The following GANC variants were observed in gnomAD, a reference collection of about 807,000 sequenced individuals.
GANC encodes the protein glucosidase alpha, neutral C, also known as neutral alpha-glucosidase C.
Under a neutral mutation model 124.2 loss-of-function variants are expected in GANC, and 117 were observed. The observed-to-expected ratio is 0.94, with a 90% confidence interval of 0.81 to 1.10. The LOEUF (loss-of-function observed/expected upper bound fraction) is 1.10. Among genes scored for constraint, GANC ranks in the 50% least tolerant of loss-of-function variants. The pLI is 0.00. For missense variants in GANC, 1,140 were observed against 1,095.0 expected, an observed-to-expected ratio of 1.04 and a Z score of -0.58; for synonymous variants, 377 against 376.8, an observed-to-expected ratio of 1.00 and a Z score of -0.01.
At chr15:42,342,957 T>C (rs981729580) in intron 18 of GANC, 121 bp from the exon 19 acceptor site, 1 of 735,166 alleles carries the variant, frequency 1.4e-6, no homozygotes, top group Non-Finnish European at 2.3e-6. Context: ...AGTCTCTGCC[T>C]CTCCAAAGTT....
chr15:42,292,746 G>C lies in GANC; in HGVS notation c.341G>C (p.Cys114Ser). 6.2e-7 allele frequency: 1 copy of C among 1,613,446 alleles called. No individual in the cohort carries two copies. The highest frequency in any genetic ancestry group is 8.5e-7 in the Non-Finnish European group (1 of 1,179,614). The stretch of plus-strand genomic sequence containing the variant: ...GTTTTGTTTTCTAGGCTGATTTCAT[G>C]CTCTGGGGACACAGGCAGTCTGATA... ...SKPSTVRLIS[C>S]SGDTGSLILA... is the part of the protein sequence containing the mutation. The change falls in exon 5 of 24, where the codon TGC becomes TCC. Residue 114 changes from cysteine (C) to serine (S), a missense_variant. Coordinates refer to ENST00000318010, the MANE Select transcript of GANC (RefSeq NM_198141.3).
At chr15:42,316,033 TATTA>T (rs1178232883) in intron 10 of GANC, among the ~76,000 whole-genome samples, 1 of 152,084 alleles carries the variant, frequency 6.6e-6, no homozygotes, top group Non-Finnish European at 1.5e-5. Context: ...ATATAAATCC[TATTA>T]ATTCTGTTTC....
chr15:42,344,943 T>G (rs1374667308), intron 19 of GANC: 2 of 152,230 alleles, frequency 1.3e-5, no homozygotes, highest in Non-Finnish European at 2.9e-5. Flanking sequence ...TCAGCACTAT[T>G]TCCTGGACTG....
At position 42,297,629 on chromosome 15, in the gene GANC, G is replaced by C; in HGVS notation, c.531G>C (p.Glu177Asp). 1 of 1,612,200 alleles carries C rather than the reference G, an allele frequency of 6.2e-7. No homozygotes were observed. Among genetic ancestry groups the C allele is most frequent in the Non-Finnish European group, 8.5e-7 (1 of 1,178,716 alleles). ...LHKQRAAKEN[E>D]EETSVDTSQE... ...AAAACAGAGCTGCTAAAGAAAATGAGGAGGAGACATCAGTGGACACCTCTC... is the reference window on the plus strand; with the variant it reads ...AAAACAGAGCTGCTAAAGAAAATGACGAGGAGACATCAGTGGACACCTCTC... The change falls in exon 6 of 24, where the codon GAG becomes GAC. Residue 177 changes from glutamate to aspartate, a missense_variant. By Grantham distance (45) the Glu-to-Asp change is conservative. Coordinates refer to ENST00000318010, the MANE Select transcript of GANC (RefSeq NM_198141.3).
chr15:42,332,823 G>C (rs2052256279), intron 15 of GANC, among the ~76,000 whole-genome samples: 1 of 144,086 alleles, frequency 6.9e-6, no homozygotes, highest in South Asian at 2.2e-4. Context: ...AGACTAGCCT[G>C]ATCAACATGG....
chr15:42,291,853 T>C (rs2051844572), intron 4 of GANC, among the ~76,000 whole-genome samples: 1 of 152,150 alleles, frequency 6.6e-6, no homozygotes, highest in African/African-American at 2.4e-5. Flanking sequence ...AAGAACTCTG[T>C]CTGGGTTCAA....
At chr15:42,326,264 C>A in intron 11 of GANC, 34 bp from the exon 12 acceptor site, 1 of 1,481,490 alleles carries the variant, frequency 6.7e-7, no homozygotes, top group Non-Finnish European at 9.4e-7. Flanking sequence ...TTACATAAAA[C>A]TGATGAGACC....
At chr15:42,337,482 T>C (rs2052291595) in intron 15 of GANC, among the ~76,000 whole-genome samples, 1 of 152,300 alleles carries the variant, frequency 6.6e-6, no homozygotes, top group African/African-American at 2.4e-5. Context: ...CCACATGTTC[T>C]CACTTAGGAG....
At chr15:42,330,549 T>C (rs764237433) in intron 14 of GANC, 27 bp from the exon 15 acceptor site, 1 of 1,561,580 alleles carries the variant, frequency 6.4e-7, no homozygotes, top group South Asian at 1.1e-5. Flanking sequence ...ATCATCTCTT[T>C]GAAATTTTTC....
chr15:42,282,044 C>T (rs557335078), intron 3 of GANC, among the ~76,000 whole-genome samples: 10 of 152,166 alleles, frequency 6.6e-5, no homozygotes, highest in East Asian at 1.9e-4. Flanking sequence ...AAAATAAGGC[C>T]GAGTGCGGTG....
chr15:42,343,123 C>T lies in GANC; in HGVS notation c.2198C>T (p.Thr733Ile). 2 of 1,614,116 alleles carry T rather than the reference C, an allele frequency of 1.2e-6. No homozygotes were observed. Among genetic ancestry groups the T allele is most frequent in the Non-Finnish European group, 8.5e-7 (1 of 1,179,990 alleles). The change falls in exon 19 of 24, where the codon ACA becomes ATA. Residue 733 changes from threonine (T) to isoleucine (I), a missense_variant. Transcript: ENST00000318010. ...CCAGTCACAGAACCAAAAGCCACCACAGTTGATGTGTTTCTTCCAGGATCA... is the reference window on the plus strand; with the variant it reads ...CCAGTCACAGAACCAAAAGCCACCATAGTTGATGTGTTTCTTCCAGGATCA... ...VHPVTEPKATTVDVFLPGSNE... is the reference protein window; with the variant it reads ...VHPVTEPKATIVDVFLPGSNE...
At chr15:42,348,384 G>A (rs2052386285) in intron 21 of GANC, among the ~76,000 whole-genome samples, 168 bp downstream of exon 21, 1 of 152,182 alleles carries the variant, frequency 6.6e-6, no homozygotes, top group Admixed American at 6.5e-5. Context: ...CCTTGGAATT[G>A]TTCTTAAGGG....
At chr15:42,346,101 C>A (rs183607794) in intron 20 of GANC, among the ~76,000 whole-genome samples, 37 of 152,316 alleles carry the variant, frequency 2.4e-4, no homozygotes, top group Admixed American at 8.5e-4. Flanking sequence ...TTTCTTCTTA[C>A]AAGGACACTG....
chr15:42,290,370 G>A (rs1162899521), intron 4 of GANC, among the ~76,000 whole-genome samples: 1 of 152,204 alleles, frequency 6.6e-6, no homozygotes. Context: ...TTAATTTTCT[G>A]TGACAATCCT....
intron 9 of GANC, 46 bp downstream of exon 9, chr15:42,310,509 A>C: frequency 6.5e-7 from 1 of 1,531,278 alleles, no homozygotes; most frequent in Admixed American, 2.1e-5. Flanking sequence ...AGAAGAAACA[A>C]AACCACTGCA....
intron 11 of GANC, among the ~76,000 whole-genome samples, chr15:42,323,900 G>C (rs199643698): frequency 6.7e-6 from 1 of 149,652 alleles, no homozygotes; most frequent in East Asian, 1.9e-4. Context: ...GGAGCATTAG[G>C]GGTGTTCGGA....
At position 42,334,255 on chromosome 15, in the gene GANC, G is replaced by A. The variant is rs187872391; in HGVS notation, c.1741+3583G>A. ...CAGATCACTGCAACCTCCACCTCCCGGGTTCAAGTGATTCTCCTGCCTCAG... is the reference window on the plus strand; with the variant it reads ...CAGATCACTGCAACCTCCACCTCCCAGGTTCAAGTGATTCTCCTGCCTCAG... On this transcript the variant is annotated intron_variant, in intron 15 of 23. Coordinates refer to ENST00000318010, the MANE Select transcript of GANC (RefSeq NM_198141.3). Among the ~76,000 whole-genome samples the A allele has an allele frequency of 2.6e-5, 4 of 151,782 alleles. No homozygotes were observed. In the East Asian group the frequency reaches 5.8e-4, roughly 22 times the overall value.
Position 42,353,008 on chromosome 15 carries a change from A to C in GANC, c.*869A>C, listed in dbSNP as rs1348003435. On this transcript the variant is annotated 3_prime_UTR_variant, in exon 24 of 24. Coordinates refer to ENST00000318010, the MANE Select transcript of GANC (RefSeq NM_198141.3). ...ATATTTCAATCCAATATTTTTAAAA[A>C]TCAGAATTAATGCAAAAAAAACCAT... is the stretch of plus-strand genomic sequence containing the variant. 3 of 730,034 alleles carry C rather than the reference A, an allele frequency of 4.1e-6. No individual in the cohort carries two copies. The highest frequency in any genetic ancestry group is 5.0e-6 in the Non-Finnish European group (3 of 596,590). The allele number at this position is 730,034 out of a possible 1,614,324, so 45.2% of individuals were successfully genotyped here. A position where few individuals can be genotyped will look rare whatever the true frequency, so the allele number is the denominator to read the frequency against.
chr15:42,330,707 T>C (rs2052236984), intron 15 of GANC, 35 bp downstream of exon 15: 1 of 1,429,490 alleles, frequency 7.0e-7, no homozygotes, highest in Non-Finnish European at 9.7e-7. Flanking sequence ...TAAAAACACA[T>C]TAGCAACTTT....
Sources: gnomAD v4.1 joint callset for allele counts (sites outside exome capture counted in the v4.1 genomes callset) on GRCh38, gnomAD v4.1.1 for gene constraint, MANE v1.5 for transcripts, NCBI Gene and HGNC (gene_info 2026-07-23, HGNC 2026-07-21) for gene names.